KIAA1217: variants seen among roughly 807,000 people sequenced by gnomAD.
The protein encoded by KIAA1217 is sickle tail protein homolog.
In KIAA1217, 88 loss-of-function variants were observed where a neutral mutation model predicts 163.9. That is an observed-to-expected ratio of 0.54 (90% CI 0.45 to 0.64). The LOEUF is 0.64. Ranked by LOEUF, KIAA1217 falls within the 30% of genes least tolerant of loss-of-function variation. KIAA1217 has a pLI of 0.00. For synonymous variants in KIAA1217, 903 were observed against 923.1 expected (o/e 0.98, Z 0.39); for missense variants, 2,372 against 2,475.0 (o/e 0.96, Z 0.88).
chr10:24,486,695 C>A (rs996256838), intron 6 of KIAA1217, among the ~76,000 whole-genome samples: 1 of 152,304 alleles, frequency 6.6e-6, no homozygotes, highest in South Asian at 2.1e-4. Context: ...TCTCTCACTT[C>A]CTTAAGGTCT....
chr10:24,125,014 T>C lies in KIAA1217; in HGVS notation c.-170-94612T>C, dbSNP rs151151414. Among the ~76,000 whole-genome samples the C allele has an allele frequency of 7.9e-5, 12 of 152,204 alleles. No homozygotes were observed. In the East Asian group the frequency reaches 1.2e-3, roughly 15 times the overall value. ...GTTGGCCGGGTGCAGTGGCTCATGT[T>C]TGTAATCCCAGCACTTTGGGAGGCT... On this transcript the variant is annotated intron_variant, in intron 2 of 18. Transcript: ENST00000376462.
chr10:24,282,131 G>A (rs1304861564), intron 2 of KIAA1217, among the ~76,000 whole-genome samples: 2 of 152,172 alleles, frequency 1.3e-5, no homozygotes, highest in Non-Finnish European at 2.9e-5. Context: ...ACTTTGGGAG[G>A]CTAAGGCAGG....
At chr10:23,734,451 TA>T (rs1413390217) in intron 1 of KIAA1217, among the ~76,000 whole-genome samples, 4 of 152,004 alleles carry the variant, frequency 2.6e-5, no homozygotes, top group Non-Finnish European at 5.9e-5. Context: ...AACGCCTGGC[TA>T]ATTTTTTTGT....
intron 2 of KIAA1217, among the ~76,000 whole-genome samples, chr10:24,371,183 A>G (rs1460639902): frequency 6.6e-6 from 1 of 152,182 alleles, no homozygotes; most frequent in African/African-American, 2.4e-5. Context: ...CACAAGGCAG[A>G]CAGGTGGCAG....
chr10:24,034,405 C>CA (rs1424865671), intron 2 of KIAA1217, among the ~76,000 whole-genome samples: 6 of 151,072 alleles, frequency 4.0e-5, no homozygotes, highest in African/African-American at 1.2e-4. Flanking sequence ...ACAAAAAATA[C>CA]AAAAAAAATT....
At chr10:23,837,838 G>A (rs11013740) in intron 1 of KIAA1217, among the ~76,000 whole-genome samples, 22,339 of 152,062 alleles carry the variant, frequency 0.15, 2,049 homozygotes, top group Middle Eastern at 0.2. Flanking sequence ...ACCACATATG[G>A]CCAATTATTT....
intron 2 of KIAA1217, among the ~76,000 whole-genome samples, chr10:24,175,977 A>G (rs2065870387): frequency 6.6e-6 from 1 of 152,154 alleles, no homozygotes; most frequent in Non-Finnish European, 1.5e-5. Flanking sequence ...GAAAGAACAA[A>G]TCTTCCACAC....
intron 1 of KIAA1217, among the ~76,000 whole-genome samples, chr10:23,987,894 G>C (rs1401960800): frequency 6.6e-6 from 1 of 151,990 alleles, no homozygotes; most frequent in Non-Finnish European, 1.5e-5. Flanking sequence ...TTTAAAGGTG[G>C]TTTGCAAACT....
At chr10:23,831,228 G>A (rs2131039919) in intron 1 of KIAA1217, among the ~76,000 whole-genome samples, 1 of 151,632 alleles carries the variant, frequency 6.6e-6, no homozygotes, top group South Asian at 2.1e-4. Flanking sequence ...ACCCCAAAGT[G>A]TAGGCAACAC....
intron 2 of KIAA1217, among the ~76,000 whole-genome samples, chr10:24,271,725 C>A (rs190010654): frequency 4.2e-4 from 63 of 151,552 alleles, no homozygotes; most frequent in African/African-American, 1.5e-3. Context: ...TGCACTTCAG[C>A]CTGGGTGACA....
intron 2 of KIAA1217, among the ~76,000 whole-genome samples, chr10:24,272,508 A>G (rs2131993844): frequency 6.6e-6 from 1 of 152,340 alleles, no homozygotes; most frequent in Admixed American, 6.5e-5. Context: ...GGAGCTCTGC[A>G]TTCACCAAGC....
intron 2 of KIAA1217, among the ~76,000 whole-genome samples, chr10:24,375,335 G>GA (rs1240716173): frequency 6.6e-6 from 1 of 152,152 alleles, no homozygotes; most frequent in African/African-American, 2.4e-5. Context: ...CAGAAAATGG[G>GA]AAAAAGGCAA....
intron 2 of KIAA1217, among the ~76,000 whole-genome samples, chr10:24,267,758 A>G (rs1187128924): frequency 1.3e-5 from 2 of 152,220 alleles, no homozygotes; most frequent in Non-Finnish European, 2.9e-5. Context: ...GAAAGCACCA[A>G]TCAAAACAAG....
intron 2 of KIAA1217, among the ~76,000 whole-genome samples, chr10:24,334,991 C>T (rs1216662446): frequency 6.6e-6 from 1 of 152,192 alleles, no homozygotes; most frequent in Admixed American, 6.5e-5. Flanking sequence ...TGAATGTTTA[C>T]AGCATCACTA....
intron 3 of KIAA1217, among the ~76,000 whole-genome samples, chr10:24,390,992 C>G (rs1180589007): frequency 6.6e-6 from 1 of 152,150 alleles, no homozygotes; most frequent in Non-Finnish European, 1.5e-5. Flanking sequence ...CAAAGTTGGT[C>G]AGATATCCTT....
intron 1 of KIAA1217, among the ~76,000 whole-genome samples, chr10:23,820,024 T>C (rs1357703826): frequency 1.3e-5 from 2 of 152,226 alleles, no homozygotes; most frequent in Admixed American, 1.3e-4. Context: ...GTCATACATG[T>C]AAATATATGT....
At chr10:23,991,542 C>A (rs1265714101) in intron 1 of KIAA1217, among the ~76,000 whole-genome samples, 1 of 152,114 alleles carries the variant, frequency 6.6e-6, no homozygotes, top group Non-Finnish European at 1.5e-5. Context: ...AGGGAGTAAT[C>A]TCTATACACC....
chr10:23,936,903 G>A (rs60492541), intron 1 of KIAA1217, among the ~76,000 whole-genome samples: 32,394 of 151,816 alleles, frequency 0.21, 7,825 homozygotes, highest in African/African-American at 0.59. Context: ...TTTTTTGACA[G>A]TGTTTCTCTT....
intron 3 of KIAA1217, among the ~76,000 whole-genome samples, chr10:24,412,039 C>A (rs1010088943): frequency 1.2e-4 from 18 of 151,982 alleles, no homozygotes; most frequent in African/African-American, 4.1e-4. Flanking sequence ...GAGGAACAGC[C>A]CTACCTGTGC....
Sources: gnomAD v4.1 joint callset for allele counts (sites outside exome capture counted in the v4.1 genomes callset) on GRCh38, gnomAD v4.1.1 for gene constraint, MANE v1.5 for transcripts, NCBI Gene and HGNC (gene_info 2026-07-23, HGNC 2026-07-21) for gene names.